Variants in BMPR1B observed in about 807,000 individuals in gnomAD.
BMPR1B encodes bone morphogenetic protein receptor type 1B.
In BMPR1B, 12 loss-of-function variants were observed where a neutral mutation model predicts 59.1. The ratio of observed to expected loss-of-function variants is 0.20; its 90% CI spans 0.13 to 0.33. The LOEUF is 0.33. BMPR1B is among the 10% of genes least tolerant of loss of function. The pLI, the probability that BMPR1B is intolerant of heterozygous loss-of-function variation, is 1.00. For missense variants in BMPR1B, 550 were observed against 610.9 expected (o/e 0.90, Z 1.05); for synonymous variants, 237 against 207.3 (o/e 1.14, Z -1.23).
At chr4:94,970,286 CTTCTCTTCTCTTCTCTTCTT>C (rs1730728113) in intron 2 of BMPR1B, among the ~76,000 whole-genome samples, 4 of 115,644 alleles carry the variant, frequency 3.5e-5, no homozygotes, top group African/African-American at 1.2e-4. Flanking sequence ...CTTCTCTTCT[CTTCTCTTCTCTTCTCTTCTT>C]TCTCTCTCTC....
intron 2 of BMPR1B, among the ~76,000 whole-genome samples, chr4:94,892,869 T>G (rs921143225): frequency 7.9e-5 from 12 of 152,104 alleles, no homozygotes; most frequent in Non-Finnish European, 1.3e-4. Context: ...TATGTGAATG[T>G]ACTATTTCCT....
At chr4:95,144,647 C>T (rs536113621) in intron 10 of BMPR1B, among the ~76,000 whole-genome samples, 61 of 152,178 alleles carry the variant, frequency 4.0e-4, no homozygotes, top group Admixed American at 8.5e-4. Context: ...TTAACAGGGA[C>T]AAAAGCCATG....
chr4:95,008,435 T>C, intron 3 of BMPR1B, among the ~76,000 whole-genome samples: 1 of 152,148 alleles, frequency 6.6e-6, no homozygotes, highest in Non-Finnish European at 1.5e-5. Context: ...CCAGTAAGCC[T>C]TGAGTCCAAG....
intron 1 of BMPR1B, among the ~76,000 whole-genome samples, chr4:94,845,252 G>A (rs9992130): frequency 0.61 from 93,007 of 151,626 alleles, 29,499 homozygotes; most frequent in African/African-American, 0.78. Flanking sequence ...TAAAAATTTC[G>A]GTTCAATATC....
chr4:95,068,822 T>G lies in BMPR1B; in HGVS notation c.-17-35586T>G, dbSNP rs1337851367. Among the ~76,000 whole-genome samples, 3 of 152,310 alleles carry G rather than the reference T, an allele frequency of 2.0e-5. No individual in the cohort carries two copies. In the East Asian group the frequency reaches 5.8e-4, roughly 29 times the overall value. On this transcript the variant is annotated intron_variant, in intron 3 of 12. Coordinates refer to ENST00000515059, the MANE Select transcript of BMPR1B (RefSeq NM_001203.3). ...ACTCACTCTATGCAAGCAGTTGTCT[T>G]AGGCTTTACTTTCCTGAGGAACCAA...
intron 6 of BMPR1B, among the ~76,000 whole-genome samples, chr4:95,122,290 T>C (rs1732587053): frequency 6.6e-6 from 1 of 151,872 alleles, no homozygotes; most frequent in African/African-American, 2.4e-5. Context: ...AAGCTGAGAT[T>C]GTGCCACTGC....
chr4:94,824,361 A>G (rs1724310715), intron 1 of BMPR1B, among the ~76,000 whole-genome samples: 1 of 152,160 alleles, frequency 6.6e-6, no homozygotes, highest in South Asian at 2.1e-4. Flanking sequence ...AGCACTTATT[A>G]TATGGTTCTT....
At chr4:94,985,509 C>CTGTGTG (rs60003954) in intron 2 of BMPR1B, among the ~76,000 whole-genome samples, 2,565 of 138,806 alleles carry the variant, frequency 0.018, 37 homozygotes, top group African/African-American at 0.041. Context: ...AAAATAAGAG[C>CTGTGTG]TGTGTGTGTG....
intron 1 of BMPR1B, among the ~76,000 whole-genome samples, chr4:94,862,528 G>A (rs1435295768): frequency 1.3e-5 from 2 of 151,442 alleles, no homozygotes; most frequent in Admixed American, 6.6e-5. Context: ...TTTAGGCCAG[G>A]CATGGTGGCT....
intron 2 of BMPR1B, among the ~76,000 whole-genome samples, chr4:94,908,121 GA>G (rs1229818606): frequency 1.5e-5 from 2 of 136,834 alleles, no homozygotes; most frequent in Non-Finnish European, 3.2e-5. Flanking sequence ...AGGTCTTGGG[GA>G]AGGGTCCACA....
intron 6 of BMPR1B, among the ~76,000 whole-genome samples, chr4:95,121,968 T>A (rs1732562297): frequency 6.6e-6 from 1 of 152,168 alleles, no homozygotes; most frequent in Non-Finnish European, 1.5e-5. Flanking sequence ...TATGGCAGAA[T>A]CTTTAGAATC....
intron 2 of BMPR1B, among the ~76,000 whole-genome samples, chr4:94,919,582 A>G (rs1026634661): frequency 3.3e-5 from 5 of 152,092 alleles, no homozygotes; most frequent in African/African-American, 1.2e-4. Context: ...GCCAGACTGT[A>G]GAGTTTGAGA....
At chr4:95,035,055 T>C (rs1725140566) in intron 3 of BMPR1B, among the ~76,000 whole-genome samples, 1 of 152,162 alleles carries the variant, frequency 6.6e-6, no homozygotes, top group Non-Finnish European at 1.5e-5. Context: ...TTTTTTCATA[T>C]GTTTGTTGGC....
At chr4:95,143,968 C>T (rs554408442) in intron 10 of BMPR1B, among the ~76,000 whole-genome samples, 55 of 151,792 alleles carry the variant, frequency 3.6e-4, no homozygotes, top group Admixed American at 7.9e-4. Flanking sequence ...GAAGATAGTA[C>T]ATAAAATTTA....
intron 2 of BMPR1B, among the ~76,000 whole-genome samples, chr4:94,932,976 TA>T (rs1166707763): frequency 1.2e-4 from 19 of 152,128 alleles, no homozygotes; most frequent in Non-Finnish European, 2.5e-4. Context: ...TTTCTAATTG[TA>T]AAAGTAATAT....
rs750385068 is a variant in BMPR1B at position 95,114,717 on chromosome 4, C to T, written c.144-3C>T. The T allele has an allele frequency of 3.7e-6, 6 of 1,611,944 alleles. No homozygotes were observed. Among genetic ancestry groups the T allele is most frequent in the Non-Finnish European group, 5.1e-6 (6 of 1,178,280 alleles). Reference sequence around the variant, plus strand: ...TTTCTCACTTTGCTTGTTTGATCTTCAGCACAGACGGATATTGTTTCACGA... The same window carrying T: ...TTTCTCACTTTGCTTGTTTGATCTTTAGCACAGACGGATATTGTTTCACGA... On this transcript the variant is annotated splice_polypyrimidine_tract_variant and splice_region_variant and intron_variant, in intron 4 of 12. Coordinates refer to ENST00000515059, the MANE Select transcript of BMPR1B (RefSeq NM_001203.3).
chr4:95,015,982 C>T (rs1318872078), intron 3 of BMPR1B, among the ~76,000 whole-genome samples: 2 of 152,180 alleles, frequency 1.3e-5, no homozygotes, highest in African/African-American at 2.4e-5. Flanking sequence ...TGAGCCACCG[C>T]GCCGGCTGGA....
intron 1 of BMPR1B, among the ~76,000 whole-genome samples, chr4:94,869,402 C>CCTTTTTT (rs148508473): frequency 0.038 from 5,736 of 152,180 alleles, 349 homozygotes; most frequent in African/African-American, 0.13. Context: ...TGCTGAAATA[C>CCTTTTTT]CTTTTTTCTT....
At chr4:94,894,079 G>A (rs1332138687) in intron 2 of BMPR1B, among the ~76,000 whole-genome samples, 6 of 151,970 alleles carry the variant, frequency 3.9e-5, no homozygotes, top group African/African-American at 1.4e-4. Context: ...CATAAGCAGG[G>A]CACTGCTAAT....
Sources: allele counts gnomAD v4.1 joint callset (sites outside exome capture counted in the v4.1 genomes callset), GRCh38; gene constraint gnomAD v4.1.1; transcripts MANE v1.5; gene names NCBI Gene and HGNC (gene_info 2026-07-23, HGNC 2026-07-21).